The following DNAH9 variants were observed in gnomAD, a reference collection of about 807,000 sequenced individuals.
DNAH9 encodes dynein axonemal heavy chain 9.
DNAH9 carries 345 observed loss-of-function variants against 471.6 expected under a neutral mutation model. The observed-to-expected ratio is 0.73, with a 90% CI of 0.67 to 0.80. The LOEUF is 0.80. DNAH9 is among the 30% of genes least tolerant of loss of function. DNAH9 has a pLI of 0.00. For synonymous variants in DNAH9, 2,093 were observed against 2,123.6 expected, an observed-to-expected ratio of 0.99 and a Z score of 0.40; for missense variants, 5,407 against 5,609.2, an observed-to-expected ratio of 0.96 and a Z score of 1.15.
intron 67 of DNAH9, among the ~76,000 whole-genome samples, chr17:11,947,813 G>C (rs1597863556): frequency 9.1e-6 from 1 of 109,420 alleles, no homozygotes; most frequent in Non-Finnish European, 1.7e-5. Flanking sequence ...ACAGAGTCTT[G>C]CTCTGTTGCC....
Position 11,756,594 on chromosome 17 carries a change from G to A in DNAH9, c.6765G>A (p.Arg2255=). 1 of 1,613,592 alleles carries A rather than the reference G, an allele frequency of 6.2e-7. No homozygotes were observed. The highest frequency in any genetic ancestry group is 8.5e-7 in the Non-Finnish European group (1 of 1,179,562). The part of the protein sequence containing the change: ...NKVLTLASNE[R]IPLNPTMKLL... ...TGCTGACATTGGCCAGCAATGAGAG[G>A]ATTCCTCTGAACCCCACCATGAAGC... is the stretch of plus-strand genomic sequence containing the variant. The change falls in exon 34 of 69, where the codon AGG becomes AGA. Residue 2255 remains arginine (R), a synonymous_variant. Transcript: ENST00000262442.
chr17:11,905,858 T>C (rs778672895), intron 61 of DNAH9, 49 bp downstream of exon 61: 4 of 1,548,992 alleles, frequency 2.6e-6, no homozygotes, highest in Non-Finnish European at 3.5e-6. Context: ...CCCCATGCAC[T>C]TTCATTCTTG....
chr17:11,908,204 G>A (rs146386007), intron 61 of DNAH9, among the ~76,000 whole-genome samples: 721 of 152,196 alleles, frequency 4.7e-3, no homozygotes, highest in Admixed American at 0.01. Flanking sequence ...TTTCATCTGA[G>A]TTTGGTTGAA....
At chr17:11,893,674 A>G (rs749844310) in intron 58 of DNAH9, among the ~76,000 whole-genome samples, 10 of 152,072 alleles carry the variant, frequency 6.6e-5, no homozygotes, top group Non-Finnish European at 1.3e-4. Context: ...ATGAGAACAC[A>G]TGGACACAGG....
At chr17:11,606,421 A>ACAACTTT (rs1480110930) in intron 1 of DNAH9, among the ~76,000 whole-genome samples, 2 of 148,658 alleles carry the variant, frequency 1.3e-5, no homozygotes, top group African/African-American at 5.0e-5. Context: ...GAGTTTACTG[A>ACAACTTT]CAACTTTCTT....
chr17:11,618,891 G>C (rs528049974), intron 5 of DNAH9, among the ~76,000 whole-genome samples: 1 of 152,282 alleles, frequency 6.6e-6, no homozygotes, highest in South Asian at 2.1e-4. Flanking sequence ...CCCCAACCCA[G>C]GCTGTTTGAC....
Position 11,780,487 on chromosome 17 carries a change from C to A in DNAH9, c.7553-522C>A, listed in dbSNP as rs554922528. ...GCCTTTGGTAGAGAGGGCAACTCTACCCAGGATTCAACTATTCATAAGCTT... is the reference window on the plus strand; with the variant it reads ...GCCTTTGGTAGAGAGGGCAACTCTAACCAGGATTCAACTATTCATAAGCTT... On this transcript the variant is annotated intron_variant, in intron 38 of 68. Transcript: ENST00000262442. Among the ~76,000 whole-genome samples the A allele has an allele frequency of 5.3e-5, 8 of 152,336 alleles. No individual in the cohort carries two copies. The East Asian group carries it at 1.5e-3, about 29-fold the overall frequency.
At chr17:11,912,704 C>T (rs1397443603) in intron 61 of DNAH9, among the ~76,000 whole-genome samples, 2 of 152,104 alleles carry the variant, frequency 1.3e-5, no homozygotes, top group African/African-American at 4.8e-5. Flanking sequence ...TTACTGGACT[C>T]AATTTGCTAA....
rs191032333 is a variant in DNAH9, at chr17:11,931,954, T to C, written c.12106-60T>C. 5 of 1,579,018 alleles carry C rather than the reference T, an allele frequency of 3.2e-6. No individual in the cohort carries two copies. In the African/African-American group the frequency reaches 5.4e-5, roughly 17 times the overall value. Reference sequence around the variant, plus strand: ...ACGAACCCTGATTGTAACCTCACCCTAGCCAGCCCCGTATAAGAGAAGTTG... The same window carrying C: ...ACGAACCCTGATTGTAACCTCACCCCAGCCAGCCCCGTATAAGAGAAGTTG... On this transcript the variant is annotated intron_variant, in intron 63 of 68. Transcript: ENST00000262442.
intron 62 of DNAH9, among the ~76,000 whole-genome samples, chr17:11,926,557 T>C (rs1163203507): frequency 1.3e-5 from 2 of 152,196 alleles, no homozygotes; most frequent in Non-Finnish European, 2.9e-5. Context: ...GGCTTCCAGC[T>C]CCATTCATTT....
chr17:11,667,905 T>C (rs955377461), intron 15 of DNAH9, among the ~76,000 whole-genome samples: 2 of 152,178 alleles, frequency 1.3e-5, no homozygotes, highest in Non-Finnish European at 2.9e-5. Flanking sequence ...ATCCCAGTTA[T>C]TACTCTATTT....
intron 67 of DNAH9, among the ~76,000 whole-genome samples, chr17:11,955,353 T>C (rs1486694812): frequency 6.6e-6 from 1 of 152,094 alleles, no homozygotes; most frequent in African/African-American, 2.4e-5. Flanking sequence ...AAAAAAAGTT[T>C]GTCAATTCTT....
chr17:11,952,011 T>TAATA (rs1219705707), intron 67 of DNAH9, among the ~76,000 whole-genome samples: 2 of 152,128 alleles, frequency 1.3e-5, no homozygotes, highest in African/African-American at 4.8e-5. Flanking sequence ...GTGATCTTAT[T>TAATA]AGCACAGATA....
chr17:11,821,643 G>C (rs534169369), intron 45 of DNAH9, among the ~76,000 whole-genome samples: 3 of 152,194 alleles, frequency 2.0e-5, no homozygotes, highest in African/African-American at 7.2e-5. Context: ...CAAATGCTTT[G>C]AGCAAAAGAA....
chr17:11,745,605 C>T (rs978522958), intron 31 of DNAH9, among the ~76,000 whole-genome samples: 7 of 152,134 alleles, frequency 4.6e-5, no homozygotes, highest in African/African-American at 1.7e-4. Flanking sequence ...GACACACACA[C>T]ACAACAAAAA....
At chr17:11,813,392 G>GTAAT (rs1409282502) in intron 45 of DNAH9, among the ~76,000 whole-genome samples, 1 of 152,068 alleles carries the variant, frequency 6.6e-6, no homozygotes, top group Non-Finnish European at 1.5e-5. Context: ...TATCAAATAA[G>GTAAT]TAATTTCTGG....
At chr17:11,681,881 C>G (rs1288868846) in intron 19 of DNAH9, among the ~76,000 whole-genome samples, 1 of 152,192 alleles carries the variant, frequency 6.6e-6, no homozygotes, top group Non-Finnish European at 1.5e-5. Context: ...CTTCTACTTA[C>G]TTCTTATGTT....
intron 49 of DNAH9, among the ~76,000 whole-genome samples, chr17:11,849,308 C>T (rs538627438): frequency 6.6e-6 from 1 of 152,202 alleles, no homozygotes; most frequent in Non-Finnish European, 1.5e-5. Flanking sequence ...CCACTCTCCC[C>T]TGCCACAGTG....
chr17:11,871,309 C>G (rs1972252899), intron 51 of DNAH9, among the ~76,000 whole-genome samples: 1 of 152,230 alleles, frequency 6.6e-6, no homozygotes, highest in Admixed American at 6.5e-5. Context: ...ATTTCATCCT[C>G]TCAACAACCC....
Sources: gnomAD v4.1 joint callset for allele counts (sites outside exome capture counted in the v4.1 genomes callset) on GRCh38, gnomAD v4.1.1 for gene constraint, MANE v1.5 for transcripts, NCBI Gene and HGNC (gene_info 2026-07-23, HGNC 2026-07-21) for gene names.